The following GPHN variants were observed in gnomAD, a reference collection of about 807,000 sequenced individuals.
The protein encoded by GPHN is gephyrin.
GPHN carries 17 observed loss-of-function variants against 95.5 expected under a neutral mutation model. That is an observed-to-expected ratio of 0.18 (90% CI 0.12 to 0.27). The LOEUF is 0.27. Ranked by LOEUF, GPHN falls within the 10% of genes least tolerant of loss-of-function variation. The pLI is 1.00. For missense variants in GPHN, 660 were observed against 978.1 expected (o/e 0.67, Z 4.34); for synonymous variants, 320 against 322.5 (o/e 0.99, Z 0.08).
chr14:67,691,259 C>G, the GPHN span: 1 of 1,594,650 alleles, frequency 6.3e-7, no homozygotes. Context: ...AGGGACAAGA[C>G]GATGGAGCGT....
At chr14:67,200,245 A>G in the GPHN span, 1 of 916,322 alleles carries the variant, frequency 1.1e-6, no homozygotes, top group South Asian at 1.8e-5. Flanking sequence ...CCCTATGGCT[A>G]CCAGCCTCTC....
intron 2 of GPHN, among the ~76,000 whole-genome samples, chr14:66,769,408 A>G (rs1234863589): frequency 6.6e-6 from 1 of 152,038 alleles, no homozygotes; most frequent in Non-Finnish European, 1.5e-5. Flanking sequence ...TGTTGTACAG[A>G]TTATTTTGTC....
intron 1 of GPHN, among the ~76,000 whole-genome samples, chr14:66,519,546 A>G (rs1460773443): frequency 1.3e-5 from 2 of 152,114 alleles, no homozygotes; most frequent in African/African-American, 2.4e-5. Context: ...AGCAACACAC[A>G]ACATGTTTCT....
chr14:67,083,659 G>A (rs2076778345), intron 11 of GPHN, among the ~76,000 whole-genome samples: 1 of 152,198 alleles, frequency 6.6e-6, no homozygotes, highest in Admixed American at 6.5e-5. Flanking sequence ...GAGTGGCAAT[G>A]ATCAAGGAGA....
At chr14:66,718,355 T>C (rs1595674588) in intron 2 of GPHN, among the ~76,000 whole-genome samples, 2 of 152,100 alleles carry the variant, frequency 1.3e-5, no homozygotes, top group East Asian at 3.9e-4. Flanking sequence ...CCGGAGTTGT[T>C]TGTTCCTCCC....
intron 1 of GPHN, among the ~76,000 whole-genome samples, chr14:66,656,008 G>A (rs1006823165): frequency 6.6e-6 from 1 of 151,984 alleles, no homozygotes; most frequent in African/African-American, 2.4e-5. Context: ...CTAATATTTT[G>A]TTAAGGATCT....
the GPHN span, among the ~76,000 whole-genome samples, chr14:67,606,648 GTTTTGT>G: frequency 2.6e-5 from 4 of 152,014 alleles, no homozygotes; most frequent in Non-Finnish European, 4.4e-5. Flanking sequence ...GTTGTTTTTT[GTTTTGT>G]TTTTGTTTTG....
chr14:66,850,928 A>G (rs982712382), intron 4 of GPHN, among the ~76,000 whole-genome samples: 1 of 152,116 alleles, frequency 6.6e-6, no homozygotes, highest in Non-Finnish European at 1.5e-5. Flanking sequence ...ATATTAACAT[A>G]TAATAATGTA....
chr14:67,062,455 C>T (rs1009216830), intron 11 of GPHN, among the ~76,000 whole-genome samples: 1 of 152,208 alleles, frequency 6.6e-6, no homozygotes, highest in Non-Finnish European at 1.5e-5. Context: ...CAACTGAATC[C>T]ATGCATTTGA....
chr14:66,829,082 CTTTT>C (rs1169056047), intron 4 of GPHN, among the ~76,000 whole-genome samples: 3 of 80,092 alleles, frequency 3.7e-5, no homozygotes, highest in African/African-American at 1.1e-4. Context: ...GATTGCTTGC[CTTTT>C]TTTTTTTTTT....
chr14:67,044,221 C>T (rs950608950), intron 10 of GPHN, among the ~76,000 whole-genome samples: 1 of 151,980 alleles, frequency 6.6e-6, no homozygotes, highest in Admixed American at 6.5e-5. Context: ...CCCGTAATCC[C>T]AGCTACTTGG....
chr14:66,808,500 T>G (rs2060637032), intron 3 of GPHN, among the ~76,000 whole-genome samples: 3 of 152,194 alleles, frequency 2.0e-5, no homozygotes, highest in Non-Finnish European at 4.4e-5. Context: ...TGTATCAAAT[T>G]TATGTATAAA....
chr14:67,233,527 C>T, the GPHN span, among the ~76,000 whole-genome samples: 5 of 152,204 alleles, frequency 3.3e-5, no homozygotes, highest in Admixed American at 6.5e-5. Flanking sequence ...TCTGCTTCTA[C>T]TGACAGGTTT....
intron 4 of GPHN, among the ~76,000 whole-genome samples, chr14:66,866,975 CTT>C (rs1490156968): frequency 6.6e-6 from 1 of 152,006 alleles, no homozygotes; most frequent in Non-Finnish European, 1.5e-5. Flanking sequence ...AATTTGTACT[CTT>C]TTCTTCCTGT....
chr14:66,537,588 T>C (rs2059188455), intron 1 of GPHN, among the ~76,000 whole-genome samples: 1 of 152,206 alleles, frequency 6.6e-6, no homozygotes. Context: ...CATAATTTTT[T>C]TGTAAACAGT....
At chr14:67,259,537 A>G in the GPHN span, among the ~76,000 whole-genome samples, 1 of 152,046 alleles carries the variant, frequency 6.6e-6, no homozygotes, top group Non-Finnish European at 1.5e-5. Flanking sequence ...GCGTGAACTC[A>G]GGAGGCAGAG....
At chr14:67,278,974 T>C in the GPHN span, 2 of 487,806 alleles carry the variant, frequency 4.1e-6, no homozygotes, top group East Asian at 3.5e-5. Context: ...CCTGCTTTTA[T>C]ATTGTAATTC....
intron 8 of GPHN, among the ~76,000 whole-genome samples, chr14:66,933,464 C>T (rs536536464): frequency 6.6e-6 from 1 of 152,206 alleles, no homozygotes; most frequent in African/African-American, 2.4e-5. Flanking sequence ...AAGGGAGCAC[C>T]TGATTACCTA....
At chr14:67,730,045 A>G in the GPHN span, among the ~76,000 whole-genome samples, 2 of 152,176 alleles carry the variant, frequency 1.3e-5, no homozygotes, top group African/African-American at 4.8e-5. Context: ...ATGAGAGGGG[A>G]ATGGATAAGT....
Sources: allele counts gnomAD v4.1 joint callset (sites outside exome capture counted in the v4.1 genomes callset), GRCh38; gene constraint gnomAD v4.1.1; transcripts MANE v1.5; gene names NCBI Gene and HGNC (gene_info 2026-07-23, HGNC 2026-07-21).